The following SYNDIG1 variants were observed in gnomAD, a reference collection of about 807,000 sequenced individuals.
The protein encoded by SYNDIG1 is synapse differentiation-inducing gene protein 1.
SYNDIG1 carries 9 observed loss-of-function variants against 19.4 expected under a neutral mutation model. The ratio of observed to expected loss-of-function variants is 0.46; its 90% CI spans 0.28 to 0.81. The LOEUF is 0.81. Ranked by LOEUF, SYNDIG1 falls within the 30% of genes least tolerant of loss-of-function variation. The probability of loss-of-function intolerance (pLI) is 0.12; values close to 1 mark genes in which losing one functional copy is unlikely to be tolerated. For missense variants in SYNDIG1, 311 were observed against 343.3 expected (o/e 0.91, Z 0.74); for synonymous variants, 141 against 145.9 (o/e 0.97, Z 0.24).
intron 1 of SYNDIG1, among the ~76,000 whole-genome samples, chr20:24,522,984 C>T (rs2146555511): frequency 6.6e-6 from 1 of 152,350 alleles, no homozygotes; most frequent in South Asian, 2.1e-4. Flanking sequence ...CCACACACCT[C>T]CTGTTAGGCC....
chr20:24,577,338 C>T (rs6138330), intron 2 of SYNDIG1, among the ~76,000 whole-genome samples: 60,330 of 152,136 alleles, frequency 0.4, 12,176 homozygotes, highest in Middle Eastern at 0.52. Context: ...GGGGTCGGGT[C>T]TTCTACAGCC....
intron 3 of SYNDIG1, among the ~76,000 whole-genome samples, chr20:24,632,006 C>A (rs984480245): frequency 3.9e-4 from 60 of 152,156 alleles, no homozygotes; most frequent in African/African-American, 1.3e-3. Context: ...CAAAGCATCA[C>A]TGCTGTCCAG....
At chr20:24,583,547 G>A (rs890548326) in intron 2 of SYNDIG1, among the ~76,000 whole-genome samples, 2 of 152,218 alleles carry the variant, frequency 1.3e-5, no homozygotes, top group African/African-American at 2.4e-5. Context: ...GCCTAGGCAG[G>A]GTGGCCCTGG....
At chr20:24,507,733 G>A (rs1416286908) in intron 1 of SYNDIG1, among the ~76,000 whole-genome samples, 2 of 152,208 alleles carry the variant, frequency 1.3e-5, no homozygotes, top group African/African-American at 2.4e-5. Context: ...GAGCTAGGCC[G>A]AGGCTCCTCC....
chr20:24,497,397 C>T (rs1309416730), intron 1 of SYNDIG1, among the ~76,000 whole-genome samples: 4 of 152,296 alleles, frequency 2.6e-5, no homozygotes. Context: ...GATGGGGTTT[C>T]ACCATGTTGG....
chr20:24,546,544 GTCACCCA>G (rs1258598873), intron 2 of SYNDIG1, among the ~76,000 whole-genome samples: 1 of 152,222 alleles, frequency 6.6e-6, no homozygotes, highest in African/African-American at 2.4e-5. Flanking sequence ...TCACCCAGCT[GTCACCCA>G]TCCTGTCCCA....
intron 2 of SYNDIG1, among the ~76,000 whole-genome samples, chr20:24,554,316 G>T (rs2057766993): frequency 6.6e-6 from 1 of 152,040 alleles, no homozygotes; most frequent in Non-Finnish European, 1.5e-5. Flanking sequence ...CTGCCTAATT[G>T]CCCTGGCCAG....
At chr20:24,622,320 C>A (rs4815287) in intron 3 of SYNDIG1, among the ~76,000 whole-genome samples, 29,426 of 151,842 alleles carry the variant, frequency 0.19, 3,777 homozygotes, top group Admixed American at 0.35. Context: ...AACTGAAACA[C>A]AAAGAAAAAA....
chr20:24,629,188 G>A (rs911109270), intron 3 of SYNDIG1, among the ~76,000 whole-genome samples: 1 of 152,206 alleles, frequency 6.6e-6, no homozygotes. Context: ...CCAAGGGCAG[G>A]CCCAGGAGCC....
At chr20:24,524,464 C>T (rs1462026345) in intron 1 of SYNDIG1, among the ~76,000 whole-genome samples, 1 of 151,946 alleles carries the variant, frequency 6.6e-6, no homozygotes, top group African/African-American at 2.4e-5. Context: ...GCTAACAAGG[C>T]GAAACCCCGT....
intron 1 of SYNDIG1, among the ~76,000 whole-genome samples, chr20:24,474,492 G>C (rs1046647275): frequency 2.6e-5 from 4 of 152,160 alleles, no homozygotes; most frequent in African/African-American, 7.2e-5. Context: ...CAACCCAGGG[G>C]ATAACCTTGC....
intron 2 of SYNDIG1, among the ~76,000 whole-genome samples, chr20:24,558,825 C>T (rs981257149): frequency 2.0e-5 from 3 of 152,148 alleles, no homozygotes; most frequent in Non-Finnish European, 2.9e-5. Context: ...CCAATTGTCC[C>T]CATTTTTTGC....
At chr20:24,514,272 C>G (rs186433780) in intron 1 of SYNDIG1, among the ~76,000 whole-genome samples, 1 of 152,156 alleles carries the variant, frequency 6.6e-6, no homozygotes, top group Non-Finnish European at 1.5e-5. Flanking sequence ...TCACACATAA[C>G]AATATTAACC....
At chr20:24,488,230 A>T (rs1203845655) in intron 1 of SYNDIG1, among the ~76,000 whole-genome samples, 1 of 152,198 alleles carries the variant, frequency 6.6e-6, no homozygotes, top group Non-Finnish European at 1.5e-5. Flanking sequence ...TCCTGCAGAG[A>T]GGAAGTGTGG....
chr20:24,529,526 T>C (rs1213637805), intron 1 of SYNDIG1, among the ~76,000 whole-genome samples: 3 of 152,204 alleles, frequency 2.0e-5, no homozygotes, highest in Non-Finnish European at 4.4e-5. Flanking sequence ...GCATGAATGG[T>C]TGTGGGTGTA....
At chr20:24,577,174 G>T (rs746324003) in intron 2 of SYNDIG1, among the ~76,000 whole-genome samples, 2 of 152,226 alleles carry the variant, frequency 1.3e-5, no homozygotes, top group African/African-American at 4.8e-5. Context: ...CCATACAGCT[G>T]TGTATGTGTG....
chr20:24,603,896 A>C (rs2058715151), intron 3 of SYNDIG1, among the ~76,000 whole-genome samples: 2 of 152,126 alleles, frequency 1.3e-5, no homozygotes, highest in South Asian at 2.1e-4. Flanking sequence ...ATTCTCCTCC[A>C]CTCAACTGCC....
At chr20:24,497,937 C>T (rs189679950) in intron 1 of SYNDIG1, among the ~76,000 whole-genome samples, 1 of 150,744 alleles carries the variant, frequency 6.6e-6, no homozygotes. Flanking sequence ...CCTGGATTGT[C>T]CAGACCCATG....
intron 3 of SYNDIG1, among the ~76,000 whole-genome samples, chr20:24,653,759 G>A (rs2059496717): frequency 6.6e-6 from 1 of 152,222 alleles, no homozygotes; most frequent in Non-Finnish European, 1.5e-5. Context: ...TCTGGAGGCT[G>A]GAAGCCTGAG....
Sources: allele counts gnomAD v4.1 joint callset (sites outside exome capture counted in the v4.1 genomes callset), GRCh38; gene constraint gnomAD v4.1.1; transcripts MANE v1.5; gene names NCBI Gene and HGNC (gene_info 2026-07-23, HGNC 2026-07-21).